PCDH7: variants seen among roughly 807,000 people sequenced by gnomAD.
PCDH7 encodes protocadherin 7, also known as protocadherin-7.
In PCDH7, 17 loss-of-function variants were observed where a neutral mutation model predicts 58.9. The ratio of observed to expected loss-of-function variants is 0.29; its 90% CI spans 0.20 to 0.43. The LOEUF (loss-of-function observed/expected upper bound fraction) is 0.43, where lower values mean the gene tolerates loss of function less well. Among genes scored for constraint, PCDH7 ranks in the 20% least tolerant of loss-of-function variants. The pLI, the probability that PCDH7 is intolerant of heterozygous loss-of-function variation, is 1.00. For synonymous variants in PCDH7, 664 were observed against 616.4 expected, an observed-to-expected ratio of 1.08 and a Z score of -1.14; for missense variants, 1,274 against 1,441.0, an observed-to-expected ratio of 0.88 and a Z score of 1.88.
At chr4:30,788,504 T>C (rs1723706003) in intron 1 of PCDH7, among the ~76,000 whole-genome samples, 1 of 152,112 alleles carries the variant, frequency 6.6e-6, no homozygotes. Flanking sequence ...CAACAAACTG[T>C]ATAATTCTGT....
At chr4:31,134,613 AAAAC>A (rs1292511236) in intron 3 of PCDH7, among the ~76,000 whole-genome samples, 1 of 152,216 alleles carries the variant, frequency 6.6e-6, no homozygotes, top group African/African-American at 2.4e-5. Context: ...CTATTTCCTC[AAAAC>A]AAACAAACAC....
intron 3 of PCDH7, among the ~76,000 whole-genome samples, chr4:31,019,262 T>A (rs1753840006): frequency 6.6e-6 from 1 of 152,194 alleles, no homozygotes; most frequent in African/African-American, 2.4e-5. Context: ...TTAAAATGAT[T>A]TGCTAGAGTT....
At chr4:30,792,053 G>A (rs563418380) in intron 1 of PCDH7, among the ~76,000 whole-genome samples, 1 of 152,136 alleles carries the variant, frequency 6.6e-6, no homozygotes, top group Non-Finnish European at 1.5e-5. Flanking sequence ...AATAGCAAAT[G>A]TGCTGTGTTT....
Position 30,828,539 on chromosome 4 carries a change from C to A in PCDH7, c.71-91614C>A, listed in dbSNP as rs528699183. On this transcript the variant is annotated intron_variant, in intron 1 of 3. Coordinates refer to the PCDH7 transcript ENST00000509759. ...CCCCCATGAGAATGCATGTGTTCAT[C>A]ATGAAATCTAATTAGAGTGATACCA... 3.3e-5 allele frequency among the ~76,000 whole-genome samples: 5 copies of A among 151,574 alleles called. 1 individual carries two copies. In the South Asian group the frequency reaches 1.0e-3, roughly 32 times the overall value.
At chr4:30,946,397 T>C (rs1746679778) in intron 2 of PCDH7, among the ~76,000 whole-genome samples, 1 of 152,126 alleles carries the variant, frequency 6.6e-6, no homozygotes, top group South Asian at 2.1e-4. Context: ...CTGTTGTTTT[T>C]CTCAACATCT....
At chr4:30,944,231 C>A (rs1746407712) in intron 2 of PCDH7, among the ~76,000 whole-genome samples, 1 of 151,942 alleles carries the variant, frequency 6.6e-6, no homozygotes, top group South Asian at 2.1e-4. Context: ...ATCCAGATAT[C>A]CTCTAGTAAG....
At chr4:30,823,067 T>C (rs1163679515) in intron 1 of PCDH7, among the ~76,000 whole-genome samples, 5 of 152,162 alleles carry the variant, frequency 3.3e-5, no homozygotes, top group Non-Finnish European at 7.4e-5. Context: ...ATTCATCTAG[T>C]GAACAGTTTG....
chr4:30,729,238 C>T (rs533272069), intron 1 of PCDH7, among the ~76,000 whole-genome samples: 1 of 151,934 alleles, frequency 6.6e-6, no homozygotes, highest in African/African-American at 2.4e-5. Context: ...GGGAAAAAAA[C>T]TGAATTTCTG....
At chr4:30,749,684 A>C (rs754274693) in intron 1 of PCDH7, among the ~76,000 whole-genome samples, 1 of 152,244 alleles carries the variant, frequency 6.6e-6, no homozygotes, top group Non-Finnish European at 1.5e-5. Context: ...TGTTATGCCC[A>C]GAGAACTCCA....
chr4:31,069,610 G>A (rs1018868983), intron 3 of PCDH7, among the ~76,000 whole-genome samples: 7 of 151,914 alleles, frequency 4.6e-5, no homozygotes, highest in African/African-American at 1.7e-4. Context: ...TTTAGTTTTT[G>A]CATAATGTTT....
intron 1 of PCDH7, among the ~76,000 whole-genome samples, chr4:30,761,768 C>T (rs1239550228): frequency 6.6e-6 from 1 of 152,066 alleles, no homozygotes; most frequent in African/African-American, 2.4e-5. Flanking sequence ...TTGTCATGTG[C>T]TAAGTTCTTA....
chr4:30,873,284 A>C (rs1735851733), intron 1 of PCDH7, among the ~76,000 whole-genome samples: 1 of 152,206 alleles, frequency 6.6e-6, no homozygotes, highest in South Asian at 2.1e-4. Context: ...CAATGAATAC[A>C]ATTATGCTTT....
At chr4:31,008,515 T>C (rs1445289102) in intron 3 of PCDH7, among the ~76,000 whole-genome samples, 1 of 152,182 alleles carries the variant, frequency 6.6e-6, no homozygotes, top group Non-Finnish European at 1.5e-5. Context: ...TTCTGGGCAA[T>C]ATGGTGAAAA....
At chr4:30,903,255 A>G (rs951803408) in intron 1 of PCDH7, among the ~76,000 whole-genome samples, 2 of 152,180 alleles carry the variant, frequency 1.3e-5, no homozygotes, top group Non-Finnish European at 2.9e-5. Context: ...TAACTCAAGT[A>G]TAAAACAGAA....
chr4:30,922,657 C>A (rs1743327260), intron 2 of PCDH7, among the ~76,000 whole-genome samples: 1 of 151,956 alleles, frequency 6.6e-6, no homozygotes, highest in Non-Finnish European at 1.5e-5. Flanking sequence ...TTTTTTAGAA[C>A]CAAGTTTTTA....
At chr4:31,070,798 T>G (rs1758484508) in intron 3 of PCDH7, among the ~76,000 whole-genome samples, 1 of 152,024 alleles carries the variant, frequency 6.6e-6, no homozygotes, top group Admixed American at 6.6e-5. Context: ...ATAGAGGAAG[T>G]TTTATTAATT....
chr4:30,838,144 T>G (rs566094042), intron 1 of PCDH7, among the ~76,000 whole-genome samples: 1 of 152,002 alleles, frequency 6.6e-6, no homozygotes, highest in African/African-American at 2.4e-5. Flanking sequence ...CCTTAAAATC[T>G]TAGGGAATTC....
chr4:30,860,547 C>A (rs912482864), intron 1 of PCDH7, among the ~76,000 whole-genome samples: 1 of 152,002 alleles, frequency 6.6e-6, no homozygotes, highest in Admixed American at 6.6e-5. Flanking sequence ...CATATTTCGG[C>A]AGCCTATATG....
intron 3 of PCDH7, among the ~76,000 whole-genome samples, chr4:31,133,985 A>C (rs1719285000): frequency 6.6e-6 from 1 of 152,096 alleles, no homozygotes; most frequent in African/African-American, 2.4e-5. Flanking sequence ...GAACTAGAGC[A>C]CTCCTAGGTA....
Sources: allele counts gnomAD v4.1 joint callset (sites outside exome capture counted in the v4.1 genomes callset), GRCh38; gene constraint gnomAD v4.1.1; transcripts MANE v1.5; gene names NCBI Gene and HGNC (gene_info 2026-07-23, HGNC 2026-07-21).